GPHN: variants seen among roughly 807,000 people sequenced by gnomAD.
GPHN encodes the protein gephyrin.
Under a neutral mutation model 95.5 loss-of-function variants are expected in GPHN, and 17 were observed. That is an observed-to-expected ratio of 0.18 (90% confidence interval 0.12 to 0.27). GPHN has a LOEUF of 0.27. GPHN is among the 10% of genes least tolerant of loss of function. The pLI, the probability that GPHN is intolerant of heterozygous loss-of-function variation, is 1.00. For synonymous variants in GPHN, 320 were observed against 322.5 expected, an observed-to-expected ratio of 0.99 and a Z score of 0.08; for missense variants, 660 against 978.1, an observed-to-expected ratio of 0.67 and a Z score of 4.34.
chr14:67,382,686 T>C, the GPHN span: 1,587 of 1,419,670 alleles, frequency 1.1e-3, 21 homozygotes, highest in African/African-American at 0.019. Context: ...GAATGTCATA[T>C]TGTAGGATGG....
At chr14:66,923,764 A>T (rs1343576990) in intron 7 of GPHN, among the ~76,000 whole-genome samples, 1 of 152,082 alleles carries the variant, frequency 6.6e-6, no homozygotes, top group Admixed American at 6.6e-5. Context: ...TTTATGGATT[A>T]TCCAGTTATT....
At chr14:67,703,737 A>G in the GPHN span, among the ~76,000 whole-genome samples, 1 of 151,950 alleles carries the variant, frequency 6.6e-6, no homozygotes, top group Non-Finnish European at 1.5e-5. Flanking sequence ...GTGCAGTGGC[A>G]TGATCACAGC....
intron 4 of GPHN, among the ~76,000 whole-genome samples, chr14:66,840,118 A>C (rs1024838045): frequency 2.6e-5 from 4 of 151,950 alleles, no homozygotes; most frequent in Admixed American, 6.6e-5. Flanking sequence ...GTCTCTACTA[A>C]AAATAGAAAA....
the GPHN span, chr14:67,613,522 T>C: frequency 5.8e-6 from 1 of 171,552 alleles, no homozygotes; most frequent in Admixed American, 5.8e-5. Context: ...AACGAGACCA[T>C]GTCTCCAAAC....
At chr14:67,064,792 T>C (rs1339315611) in intron 11 of GPHN, among the ~76,000 whole-genome samples, 1 of 152,212 alleles carries the variant, frequency 6.6e-6, no homozygotes, top group Non-Finnish European at 1.5e-5. Context: ...CCCTTTATCA[T>C]TTTTTATTGC....
chr14:66,819,160 C>T (rs1375946153), intron 3 of GPHN, among the ~76,000 whole-genome samples: 3 of 152,100 alleles, frequency 2.0e-5, no homozygotes, highest in Non-Finnish European at 2.9e-5. Flanking sequence ...GAATTCTTTG[C>T]CCATGCCTAT....
chr14:67,397,666 C>T, the GPHN span: 40 of 1,609,210 alleles, frequency 2.5e-5, no homozygotes, highest in African/African-American at 4.0e-5. Context: ...ACTTACCGGT[C>T]GGTTTTCATA....
the GPHN span, chr14:67,387,032 G>T: frequency 8.0e-6 from 2 of 251,042 alleles, no homozygotes; most frequent in South Asian, 6.6e-5. Flanking sequence ...CAGTGTAATT[G>T]TTCCAACAAA....
At chr14:67,231,804 TA>T in the GPHN span, among the ~76,000 whole-genome samples, 1 of 151,858 alleles carries the variant, frequency 6.6e-6, no homozygotes, top group Non-Finnish European at 1.5e-5. Flanking sequence ...CTGTCTCTAT[TA>T]AAAACACAAA....
At chr14:67,002,520 G>A (rs1164021514) in intron 9 of GPHN, among the ~76,000 whole-genome samples, 1 of 150,972 alleles carries the variant, frequency 6.6e-6, no homozygotes, top group African/African-American at 2.4e-5. Context: ...CGGTTTTCTT[G>A]TACTGTTGAA....
At chr14:67,279,211 C>A in the GPHN span, 1 of 1,610,736 alleles carries the variant, frequency 6.2e-7, no homozygotes, top group South Asian at 1.1e-5. Context: ...ACAGAGGAAT[C>A]AGACAGCGAA....
At chr14:67,360,976 C>T in the GPHN span, among the ~76,000 whole-genome samples, 1 of 152,142 alleles carries the variant, frequency 6.6e-6, no homozygotes, top group Non-Finnish European at 1.5e-5. Context: ...AGTAGTTTTT[C>T]ATCTGATAAT....
chr14:67,260,840 A>G, the GPHN span, among the ~76,000 whole-genome samples: 1 of 152,196 alleles, frequency 6.6e-6, no homozygotes, highest in African/African-American at 2.4e-5. Context: ...TGCAGGGCTC[A>G]TATGGGAAAC....
At chr14:66,886,134 A>G (rs1244842285) in intron 5 of GPHN, among the ~76,000 whole-genome samples, 3 of 152,202 alleles carry the variant, frequency 2.0e-5, no homozygotes, top group Non-Finnish European at 4.4e-5. Flanking sequence ...CAATAAATAT[A>G]TTTTAAAAAC....
chr14:67,312,384 C>G, the GPHN span: 12 of 536,908 alleles, frequency 2.2e-5, no homozygotes, highest in Non-Finnish European at 3.6e-5. Flanking sequence ...TTGAGATTAT[C>G]CTGGACAACA....
the GPHN span, chr14:67,642,199 A>G: frequency 6.2e-7 from 1 of 1,613,964 alleles, no homozygotes; most frequent in South Asian, 1.1e-5. Flanking sequence ...GCCACCTAAA[A>G]GACTTTGGAG....
chr14:67,359,218 A>G, the GPHN span, among the ~76,000 whole-genome samples: 1 of 152,278 alleles, frequency 6.6e-6, no homozygotes, highest in South Asian at 2.1e-4. Flanking sequence ...GACCTCTTCT[A>G]TATCCTCAGT....
the GPHN span, among the ~76,000 whole-genome samples, chr14:67,408,144 G>A: frequency 7.9e-5 from 12 of 151,902 alleles, no homozygotes; most frequent in African/African-American, 2.9e-4. Flanking sequence ...AAATTAACCG[G>A]GCGTGGTGGT....
At chr14:67,735,242 C>T in the GPHN span, 2 of 1,358,440 alleles carry the variant, frequency 1.5e-6, no homozygotes, top group Non-Finnish European at 2.1e-6. Context: ...TCCCACGAGA[C>T]ACAGCCTCCC....
Sources: allele counts gnomAD v4.1 joint callset (sites outside exome capture counted in the v4.1 genomes callset), GRCh38; gene constraint gnomAD v4.1.1; transcripts MANE v1.5; gene names NCBI Gene and HGNC (gene_info 2026-07-23, HGNC 2026-07-21).